The following FTO variants were observed in gnomAD, a reference collection of about 807,000 sequenced individuals.
FTO encodes the protein alpha-ketoglutarate-dependent dioxygenase FTO.
A neutral mutation model predicts 63.9 loss-of-function variants in FTO; 47 were observed. That is an observed-to-expected ratio of 0.74 (90% CI 0.58 to 0.94). The LOEUF (loss-of-function observed/expected upper bound fraction) is 0.94. Among genes scored for constraint, FTO ranks in the 40% least tolerant of loss-of-function variants. FTO has a pLI of 0.00. For synonymous variants in FTO, 207 were observed against 224.4 expected (o/e 0.92, Z 0.69); for missense variants, 562 against 618.1 (o/e 0.91, Z 0.96).
intron 8 of FTO, among the ~76,000 whole-genome samples, chr16:53,986,168 T>A (rs1054921165): frequency 3.3e-5 from 5 of 152,220 alleles, no homozygotes; most frequent in Non-Finnish European, 7.3e-5. Context: ...TAACACTTCA[T>A]AAGTTCAATC....
At chr16:53,929,167 G>A (rs540048593) in intron 7 of FTO, among the ~76,000 whole-genome samples, 3 of 152,218 alleles carry the variant, frequency 2.0e-5, no homozygotes, top group East Asian at 1.9e-4. Context: ...ATAAACTCAC[G>A]TAACCACCAC....
intron 8 of FTO, among the ~76,000 whole-genome samples, chr16:54,011,701 A>G (rs1287704415): frequency 6.6e-6 from 1 of 152,236 alleles, no homozygotes; most frequent in Non-Finnish European, 1.5e-5. Context: ...TAAGATAAAA[A>G]ACAAAAGAAA....
At chr16:54,084,147 G>A (rs1340181521) in intron 8 of FTO, among the ~76,000 whole-genome samples, 3 of 152,226 alleles carry the variant, frequency 2.0e-5, no homozygotes, top group Non-Finnish European at 4.4e-5. Context: ...AAGCATTTCA[G>A]AGAAGGGATA....
intron 1 of FTO, among the ~76,000 whole-genome samples, chr16:53,732,156 C>T (rs1364135125): frequency 6.7e-6 from 1 of 149,668 alleles, no homozygotes; most frequent in East Asian, 2.1e-4. Context: ...TCATGCCATT[C>T]TCCTGCCTCA....
chr16:54,084,581 T>G (rs1424288562), intron 8 of FTO, among the ~76,000 whole-genome samples: 1 of 152,252 alleles, frequency 6.6e-6, no homozygotes. Flanking sequence ...GAAATCTTGT[T>G]GCTTCCTGAA....
chr16:54,059,227 C>A (rs1479334196), intron 8 of FTO, among the ~76,000 whole-genome samples: 1 of 152,212 alleles, frequency 6.6e-6, no homozygotes, highest in Non-Finnish European at 1.5e-5. Flanking sequence ...ATATTAGACT[C>A]ATCTAGCCCA....
intron 1 of FTO, among the ~76,000 whole-genome samples, chr16:53,729,240 T>TA (rs1383925812): frequency 1.3e-5 from 2 of 151,796 alleles, no homozygotes; most frequent in African/African-American, 4.8e-5. Context: ...TTAAAAAATG[T>TA]AAAATGGGCC....
chr16:53,896,942 G>A (rs1430425171), intron 7 of FTO, among the ~76,000 whole-genome samples: 2 of 152,116 alleles, frequency 1.3e-5, no homozygotes, highest in Non-Finnish European at 2.9e-5. Context: ...ATGGAGAAAT[G>A]TACTCCCAGT....
chr16:54,029,186 A>G (rs2084778012), intron 8 of FTO, among the ~76,000 whole-genome samples: 2 of 152,198 alleles, frequency 1.3e-5, no homozygotes, highest in Non-Finnish European at 2.9e-5. Context: ...TGTATCCCAT[A>G]TGTTAGAAGT....
chr16:53,765,152 A>G (rs144999576), intron 1 of FTO, among the ~76,000 whole-genome samples: 1 of 152,314 alleles, frequency 6.6e-6, no homozygotes, highest in African/African-American at 2.4e-5. Context: ...ATTTTAACTG[A>G]GGCTTATATA....
At chr16:54,086,080 G>A (rs936945182) in intron 8 of FTO, among the ~76,000 whole-genome samples, 2 of 152,140 alleles carry the variant, frequency 1.3e-5, no homozygotes, top group African/African-American at 4.8e-5. Flanking sequence ...GCCTAATTCA[G>A]ATTTTTTTTA....
intron 8 of FTO, among the ~76,000 whole-genome samples, chr16:54,072,770 C>G (rs1480198119): frequency 6.6e-6 from 1 of 152,280 alleles, no homozygotes; most frequent in Admixed American, 6.5e-5. Flanking sequence ...GGATGGCTAA[C>G]TAGGAAGTAC....
chr16:53,908,113 A>G (rs2081583160), intron 7 of FTO, among the ~76,000 whole-genome samples: 1 of 152,220 alleles, frequency 6.6e-6, no homozygotes. Context: ...ATCATATTGT[A>G]AAATAGAATG....
At chr16:54,014,846 CTCTCTTTTTT>C (rs2084398961) in intron 8 of FTO, among the ~76,000 whole-genome samples, 2 of 95,150 alleles carry the variant, frequency 2.1e-5, no homozygotes, top group South Asian at 8.9e-4. Flanking sequence ...TTCTCTCTCT[CTCTCTTTTTT>C]TTTTTTTTTT....
chr16:53,928,292 C>G (rs1258048879), intron 7 of FTO, among the ~76,000 whole-genome samples: 1 of 152,018 alleles, frequency 6.6e-6, no homozygotes, highest in Non-Finnish European at 1.5e-5. Context: ...GTTTCCTAAA[C>G]CTGTGGGGGT....
At chr16:53,890,791 C>T (rs2081124497) in intron 7 of FTO, among the ~76,000 whole-genome samples, 1 of 152,148 alleles carries the variant, frequency 6.6e-6, no homozygotes, top group Non-Finnish European at 1.5e-5. Context: ...TTTTTATGGG[C>T]TGCTTATATA....
At chr16:53,793,101 G>A (rs535419225) in intron 1 of FTO, among the ~76,000 whole-genome samples, 1 of 152,278 alleles carries the variant, frequency 6.6e-6, no homozygotes, top group Admixed American at 6.5e-5. Flanking sequence ...AAAGAAGTTT[G>A]AAAAGGGTCA....
chr16:53,904,066 A>G (rs1416291589), intron 7 of FTO, among the ~76,000 whole-genome samples: 1 of 151,884 alleles, frequency 6.6e-6, no homozygotes, highest in Non-Finnish European at 1.5e-5. Flanking sequence ...GTGTATATGT[A>G]TCTATATTTA....
intron 4 of FTO, among the ~76,000 whole-genome samples, chr16:53,862,421 A>G (rs901632334): frequency 6.6e-6 from 1 of 152,202 alleles, no homozygotes; most frequent in Non-Finnish European, 1.5e-5. Flanking sequence ...ATTTTTTAAC[A>G]GAATATGTTT....
Sources: gnomAD v4.1 joint callset for allele counts (sites outside exome capture counted in the v4.1 genomes callset) on GRCh38, gnomAD v4.1.1 for gene constraint, MANE v1.5 for transcripts, NCBI Gene and HGNC (gene_info 2026-07-23, HGNC 2026-07-21) for gene names.